CADM2: variants seen among roughly 807,000 people sequenced by gnomAD.
CADM2 encodes the protein cell adhesion molecule 2, also known as immunoglobulin superfamily member 4D.
Under a neutral mutation model 49.8 loss-of-function variants are expected in CADM2, and 12 were observed. The observed-to-expected ratio is 0.24, with a 90% CI of 0.15 to 0.39. The LOEUF is 0.39. CADM2 is among the 10% of genes least tolerant of loss of function. The pLI is 1.00. For missense variants in CADM2, 378 were observed against 492.3 expected (o/e 0.77, Z 2.20); for synonymous variants, 214 against 175.4 (o/e 1.22, Z -1.74).
At chr3:85,863,008 A>C (rs2075594107) in intron 3 of CADM2, among the ~76,000 whole-genome samples, 1 of 152,202 alleles carries the variant, frequency 6.6e-6, no homozygotes, top group Admixed American at 6.5e-5. Context: ...AGACATGCTA[A>C]TTCTGAACTG....
chr3:85,191,828 G>A (rs575414057), intron 1 of CADM2, among the ~76,000 whole-genome samples: 1 of 152,112 alleles, frequency 6.6e-6, no homozygotes, highest in African/African-American at 2.4e-5. Context: ...TTAATTTCTG[G>A]AGGTGTTTAT....
chr3:85,536,044 A>T (rs1432134454), intron 1 of CADM2, among the ~76,000 whole-genome samples: 2 of 152,112 alleles, frequency 1.3e-5, no homozygotes, highest in African/African-American at 4.8e-5. Flanking sequence ...ATGAAAAAAT[A>T]TATAGTATTA....
intron 1 of CADM2, among the ~76,000 whole-genome samples, chr3:85,001,424 A>G (rs2033457672): frequency 6.6e-6 from 1 of 151,988 alleles, no homozygotes. Context: ...CATATGTATA[A>G]ATGTGTGTAT....
chr3:85,198,590 A>G (rs1476355642), intron 1 of CADM2, among the ~76,000 whole-genome samples: 2 of 151,812 alleles, frequency 1.3e-5, no homozygotes, highest in Non-Finnish European at 3.0e-5. Context: ...ATAGTCACTT[A>G]TCTTCAAAGG....
chr3:84,959,543 C>G lies in CADM2; in HGVS notation c.-65C>G, dbSNP rs1038166006. 3.5e-6 allele frequency: 5 copies of G among 1,445,516 alleles called. No individual in the cohort carries two copies. Among genetic ancestry groups the G allele is most frequent in the Non-Finnish European group, 4.7e-6 (5 of 1,064,244 alleles). 89.5% of individuals were successfully genotyped at this position (1,445,516 alleles called of 1,614,324 possible). A position where few individuals can be genotyped will look rare whatever the true frequency, so the allele number is the denominator to read the frequency against. ...GGACACCAGCGGAGCCCTGCACTCT[C>G]GTGCCCCGCTCACCAGCATCTACTT... On this transcript the variant is annotated 5_prime_UTR_variant, in exon 1 of 10. Transcript: ENST00000383699.
chr3:85,125,451 T>TGGGCTCAGGA (rs1396559342), intron 1 of CADM2, among the ~76,000 whole-genome samples: 1 of 152,044 alleles, frequency 6.6e-6, no homozygotes, highest in Non-Finnish European at 1.5e-5. Flanking sequence ...CCTTGACCAC[T>TGGGCTCAGGA]GGGCTCAGGT....
At chr3:85,278,739 T>A (rs2043421344) in intron 1 of CADM2, among the ~76,000 whole-genome samples, 1 of 150,840 alleles carries the variant, frequency 6.6e-6, no homozygotes, top group African/African-American at 2.4e-5. Flanking sequence ...TGTGTGTGTG[T>A]GTGTGTGTGT....
intron 2 of CADM2, among the ~76,000 whole-genome samples, chr3:85,738,878 C>T (rs2068256754): frequency 6.6e-6 from 1 of 152,144 alleles, no homozygotes; most frequent in African/African-American, 2.4e-5. Context: ...AATTATTCAT[C>T]TATTCATTAC....
chr3:84,995,094 T>C (rs1248379820), intron 1 of CADM2, among the ~76,000 whole-genome samples: 1 of 152,202 alleles, frequency 6.6e-6, no homozygotes, highest in Admixed American at 6.5e-5. Flanking sequence ...TATTTCCTCA[T>C]TATTTTTATA....
intron 1 of CADM2, among the ~76,000 whole-genome samples, chr3:85,674,906 T>C (rs575064447): frequency 1.3e-5 from 2 of 152,278 alleles, no homozygotes; most frequent in African/African-American, 4.8e-5. Context: ...TTTGCTCTTT[T>C]TTCCTATAGC....
At position 85,042,887 on chromosome 3, in the gene CADM2, C is replaced by T. The variant is rs191044429; in HGVS notation, c.61+83219C>T. On this transcript the variant is annotated intron_variant, in intron 1 of 9. Coordinates refer to ENST00000383699, the MANE Select transcript of CADM2 (RefSeq NM_001167675.2). ...AAATTGTCACAGACAGATTAATAGG[C>T]GGTAAACATACAAATGTTATTCATT... Among the ~76,000 whole-genome samples the T allele has an allele frequency of 9.2e-5, 14 of 152,084 alleles. No individual in the cohort carries two copies. In the South Asian group the frequency reaches 1.2e-3, roughly 14 times the overall value.
chr3:85,583,563 A>G (rs765696862), intron 1 of CADM2, among the ~76,000 whole-genome samples: 3 of 152,194 alleles, frequency 2.0e-5, no homozygotes, highest in Non-Finnish European at 2.9e-5. Context: ...GAATCATTCT[A>G]GATGGTTGAA....
intron 1 of CADM2, among the ~76,000 whole-genome samples, chr3:85,238,486 G>C (rs2042458128): frequency 6.6e-6 from 1 of 151,952 alleles, no homozygotes; most frequent in Non-Finnish European, 1.5e-5. Context: ...CCAGAGGTTA[G>C]AAAAGTAAAG....
chr3:85,673,798 G>T (rs2065816528), intron 1 of CADM2, among the ~76,000 whole-genome samples: 1 of 152,118 alleles, frequency 6.6e-6, no homozygotes, highest in African/African-American at 2.4e-5. Context: ...GCATGTGTAG[G>T]ATATGTTTAG....
intron 1 of CADM2, among the ~76,000 whole-genome samples, chr3:85,637,157 A>C (rs887416441): frequency 1.3e-5 from 2 of 152,214 alleles, no homozygotes; most frequent in African/African-American, 2.4e-5. Context: ...TATGTTTACA[A>C]AAGTCATATA....
At chr3:85,616,010 C>T (rs748060840) in intron 1 of CADM2, among the ~76,000 whole-genome samples, 1 of 151,926 alleles carries the variant, frequency 6.6e-6, no homozygotes, top group Non-Finnish European at 1.5e-5. Context: ...TGAGCTTGCA[C>T]TCTTGGTAAG....
intron 1 of CADM2, among the ~76,000 whole-genome samples, chr3:85,666,120 A>G (rs952271929): frequency 2.0e-5 from 3 of 152,050 alleles, no homozygotes; most frequent in Admixed American, 1.3e-4. Context: ...GAGCCAAATC[A>G]TAAGTGAACT....
chr3:85,559,224 A>G (rs545777163), intron 1 of CADM2, among the ~76,000 whole-genome samples: 5 of 152,242 alleles, frequency 3.3e-5, no homozygotes, highest in East Asian at 1.9e-4. Flanking sequence ...TTATGTATAC[A>G]TGTACCAATG....
intron 1 of CADM2, among the ~76,000 whole-genome samples, chr3:85,424,096 A>G (rs2036291475): frequency 6.6e-6 from 1 of 152,148 alleles, no homozygotes; most frequent in South Asian, 2.1e-4. Flanking sequence ...AAATATTGCC[A>G]ATAAACTAAC....
Sources: allele counts gnomAD v4.1 joint callset (sites outside exome capture counted in the v4.1 genomes callset), GRCh38; gene constraint gnomAD v4.1.1; transcripts MANE v1.5; gene names NCBI Gene and HGNC (gene_info 2026-07-23, HGNC 2026-07-21).